The following PRKN variants were observed in gnomAD, a reference collection of about 807,000 sequenced individuals.
PRKN encodes E3 ubiquitin-protein ligase parkin.
Under a neutral mutation model 59.5 loss-of-function variants are expected in PRKN, and 56 were observed. That is an observed-to-expected ratio of 0.94 (90% CI 0.76 to 1.18). PRKN has a LOEUF of 1.18. Among genes scored for constraint, PRKN ranks in the 50% most tolerant of loss-of-function variants. The probability of loss-of-function intolerance (pLI) is 0.00; values close to 1 mark genes in which losing one functional copy is unlikely to be tolerated. For missense variants in PRKN, 657 were observed against 596.4 expected (o/e 1.10, Z -1.06); for synonymous variants, 250 against 222.1 (o/e 1.13, Z -1.12).
chr6:162,276,002 T>C (rs1312067195), intron 2 of PRKN, among the ~76,000 whole-genome samples: 1 of 152,162 alleles, frequency 6.6e-6, no homozygotes, highest in Non-Finnish European at 1.5e-5. Flanking sequence ...AGACCTGTAA[T>C]AAATCATTTT....
At chr6:162,310,479 A>G (rs1782448186) in intron 2 of PRKN, among the ~76,000 whole-genome samples, 1 of 152,086 alleles carries the variant, frequency 6.6e-6, no homozygotes, top group Non-Finnish European at 1.5e-5. Context: ...GGGTCCCTGG[A>G]GCCTGCAGGA....
Position 161,402,548 on chromosome 6 carries a change from C to T in PRKN, c.1084-15671G>A, listed in dbSNP as rs966932769. Among the ~76,000 whole-genome samples the T allele has an allele frequency of 1.3e-5, 2 of 152,050 alleles. No individual in the cohort carries two copies. The highest frequency in any genetic ancestry group is 2.9e-5 in the Non-Finnish European group (2 of 68,010). ...TGTGGGGGAGCAAAAGATGGCTTCC[C>T]TCTACCCTCCCAGGTTCTTTGGCTG... is the stretch of plus-strand genomic sequence containing the variant. On this transcript the variant is annotated intron_variant, in intron 9 of 11. Transcript: ENST00000366898. The surrounding 1 kb of genome is among the most constrained non-coding windows in gnomAD (Gnocchi z 4.5).
intron 7 of PRKN, among the ~76,000 whole-genome samples, chr6:161,746,287 T>C (rs1162324431): frequency 2.0e-5 from 3 of 152,176 alleles, no homozygotes; most frequent in South Asian, 2.1e-4. Flanking sequence ...TTCTTCAAGA[T>C]GGAACTGAAA....
intron 4 of PRKN, among the ~76,000 whole-genome samples, chr6:162,166,641 T>C (rs137980341): frequency 5.9e-5 from 9 of 152,174 alleles, no homozygotes; most frequent in African/African-American, 2.2e-4. Context: ...TTAAAATTCT[T>C]CAAAAATGAG....
At chr6:162,568,772 G>A in intron 1 of PRKN, 2 of 742,042 alleles carry the variant, frequency 2.7e-6, no homozygotes, top group South Asian at 2.7e-5. Context: ...CGGACACTCT[G>A]GTCCAGGAGA....
chr6:162,197,960 C>G lies in PRKN; in HGVS notation c.534+3171G>C, dbSNP rs542163245. Among the ~76,000 whole-genome samples, 106 of 152,234 alleles carry G rather than the reference C, an allele frequency of 7.0e-4. 1 individual carries two copies. Among genetic ancestry groups the G allele is most frequent in the Admixed American group, 3.5e-3 (53 of 15,288 alleles). On this transcript the variant is annotated intron_variant, in intron 4 of 11. Coordinates refer to ENST00000366898, the MANE Select transcript of PRKN (RefSeq NM_004562.3). ...AGCTGAAAGTTATCTGATCTTATAA[C>G]AAGGCTTACAGGCTCTTCGAACATA...
At chr6:161,603,315 G>C (rs1782170358) in intron 7 of PRKN, among the ~76,000 whole-genome samples, 1 of 152,180 alleles carries the variant, frequency 6.6e-6, no homozygotes, top group South Asian at 2.1e-4. Context: ...GAACTCAGCT[G>C]ATCACAGGCA....
chr6:162,320,074 T>C (rs1339335136), intron 2 of PRKN, among the ~76,000 whole-genome samples: 1 of 151,824 alleles, frequency 6.6e-6, no homozygotes, highest in Non-Finnish European at 1.5e-5. Context: ...TTTGTCTTTC[T>C]CTATCTGACT....
At chr6:162,467,832 C>A (rs367875654) in intron 1 of PRKN, among the ~76,000 whole-genome samples, 1 of 152,238 alleles carries the variant, frequency 6.6e-6, no homozygotes, top group African/African-American at 2.4e-5. Context: ...CGCCGCCCAC[C>A]GAGCTCCCGC....
chr6:161,436,648 G>C (rs1328257250), intron 9 of PRKN, among the ~76,000 whole-genome samples: 1 of 151,948 alleles, frequency 6.6e-6, no homozygotes. Flanking sequence ...GGGAACGTGG[G>C]TCAAATTGAA....
At chr6:162,488,577 G>A (rs1562324484) in intron 1 of PRKN, among the ~76,000 whole-genome samples, 1 of 152,160 alleles carries the variant, frequency 6.6e-6, no homozygotes, top group Non-Finnish European at 1.5e-5. Flanking sequence ...AAGAACACAG[G>A]TGGTGGGGTC....
chr6:162,254,112 A>C (rs957447518), intron 3 of PRKN, among the ~76,000 whole-genome samples: 14 of 152,162 alleles, frequency 9.2e-5, no homozygotes, highest in Non-Finnish European at 1.9e-4. Flanking sequence ...CTTGCAGCTA[A>C]GGAAGGACCG....
chr6:161,686,376 A>G (rs1437683040), intron 7 of PRKN, among the ~76,000 whole-genome samples: 2 of 152,190 alleles, frequency 1.3e-5, no homozygotes, highest in Admixed American at 6.5e-5. Flanking sequence ...TTCTTCCCAT[A>G]TGTTTACATC....
rs573303746 is a variant in PRKN, at chr6:161,446,934, C to T, written c.1084-60057G>A. 6.6e-6 allele frequency among the ~76,000 whole-genome samples: 1 copy of T among 152,308 alleles called. No homozygotes were observed. On this transcript the variant is annotated intron_variant, in intron 9 of 11. Transcript: ENST00000366898. This position sits in a 1 kb window ranked among gnomAD's most constrained non-coding sequence, Gnocchi z 6.2. Reference sequence around the variant, plus strand: ...ACATTCAGTTAAAAGCTACTCTGTACCCCAGGACATGGGAGCAGCTCCTAT... The same window carrying T: ...ACATTCAGTTAAAAGCTACTCTGTATCCCAGGACATGGGAGCAGCTCCTAT...
rs62430692 is a variant in PRKN at position 162,327,581 on chromosome 6, T to C, written c.172-64816A>G. Among the ~76,000 whole-genome samples, 260 of 138,710 alleles carry C rather than the reference T, an allele frequency of 1.9e-3. 3 individuals are homozygous for C. In the East Asian group the frequency reaches 0.023, roughly 12 times the overall value. 91.0% of individuals were successfully genotyped at this position (138,710 alleles called of 152,430 possible). A position where few individuals can be genotyped will look rare whatever the true frequency, so the allele number is the denominator to read the frequency against. ...AAAATGTTAGGTCCTTGACAATGGT[T>C]TTCTCTACAGTTTCAATGTTAGGTT... On this transcript the variant is annotated intron_variant, in intron 2 of 11. Transcript: ENST00000366898.
chr6:161,895,689 C>T (rs1359536557), intron 6 of PRKN, among the ~76,000 whole-genome samples: 1 of 147,976 alleles, frequency 6.8e-6, no homozygotes, highest in Non-Finnish European at 1.5e-5. Context: ...GTTATGCCCC[C>T]CAGTGAGGCT....
intron 7 of PRKN, among the ~76,000 whole-genome samples, chr6:161,742,616 A>T (rs1487081654): frequency 1.3e-5 from 2 of 152,216 alleles, no homozygotes; most frequent in Non-Finnish European, 2.9e-5. Context: ...ATATGCAAGG[A>T]CATTTCAGGC....
intron 2 of PRKN, among the ~76,000 whole-genome samples, chr6:162,339,147 T>C (rs1784009463): frequency 6.8e-6 from 1 of 146,938 alleles, no homozygotes; most frequent in Non-Finnish European, 1.5e-5. Flanking sequence ...AGCCGCCCCG[T>C]CTGAGAAGTG....
Position 161,362,123 on chromosome 6 carries a change from C to A in PRKN, c.1168-1918G>T, listed in dbSNP as rs1370583278. ...CAAATTGGAGAAAAATACAATTTTA[C>A]TTATCAGAAAATAATTTCAAAATGC... On this transcript the variant is annotated intron_variant, in intron 10 of 11. Coordinates refer to ENST00000366898, the MANE Select transcript of PRKN (RefSeq NM_004562.3). The surrounding 1 kb of genome is among the most constrained non-coding windows in gnomAD (Gnocchi z 5.2). 1.3e-5 allele frequency among the ~76,000 whole-genome samples: 2 copies of A among 152,300 alleles called. No individual in the cohort carries two copies. The highest frequency in any genetic ancestry group is 2.1e-4 in the South Asian group (1 of 4,826).
Sources: gnomAD v4.1 joint callset for allele counts (sites outside exome capture counted in the v4.1 genomes callset) on GRCh38, gnomAD v4.1.1 for gene constraint, Gnocchi (gnomAD v3.1) non-coding constraint, MANE v1.5 for transcripts, NCBI Gene and HGNC (gene_info 2026-07-23, HGNC 2026-07-21) for gene names.